LY75: variants seen among roughly 807,000 people sequenced by gnomAD.
The protein encoded by LY75 is lymphocyte antigen 75, also known as C-type lectin domain family 13 member B.
Under a neutral mutation model 231.7 loss-of-function variants are expected in LY75, and 185 were observed. The observed-to-expected ratio is 0.80, with a 90% CI of 0.71 to 0.90. The LOEUF (loss-of-function observed/expected upper bound fraction) is 0.90. LY75 is among the 40% of genes least tolerant of loss of function. The pLI, the probability that LY75 is intolerant of heterozygous loss-of-function variation, is 0.00. For missense variants in LY75, 1,947 were observed against 2,050.2 expected (o/e 0.95, Z 0.97); for synonymous variants, 668 against 689.0 (o/e 0.97, Z 0.48).
At chr2:159,878,208 A>G in intron 11 of LY75, 116 bp downstream of exon 11, 3 of 1,392,288 alleles carry the variant, frequency 2.2e-6, no homozygotes, top group Non-Finnish European at 2.9e-6. Flanking sequence ...ATAGACTCCA[A>G]TCCTGAAGAT....
At chr2:159,878,241 A>T in intron 11 of LY75, 83 bp downstream of exon 11, 1 of 1,518,126 alleles carries the variant, frequency 6.6e-7, no homozygotes, top group South Asian at 1.3e-5. Context: ...CACATTTCAA[A>T]AGTAAGTGAG....
intron 4 of LY75, among the ~76,000 whole-genome samples, chr2:159,888,460 G>A (rs1480760039): frequency 2.0e-5 from 3 of 152,168 alleles, no homozygotes; most frequent in African/African-American, 7.2e-5. Context: ...GCTGTATGCT[G>A]TTGGGTATAT....
intron 27 of LY75, among the ~76,000 whole-genome samples, chr2:159,832,451 C>T (rs1417369429): frequency 6.6e-6 from 1 of 152,186 alleles, no homozygotes; most frequent in Non-Finnish European, 1.5e-5. Context: ...CTGAAACCAT[C>T]CACCCCTCCC....
intron 23 of LY75, among the ~76,000 whole-genome samples, chr2:159,844,353 A>T (rs1325715146): frequency 6.6e-6 from 1 of 151,548 alleles, no homozygotes; most frequent in African/African-American, 2.4e-5. Flanking sequence ...ACTATATGGC[A>T]ATCTTAACAG....
chr2:159,817,161 GTA>G, intron 29 of LY75, 129 bp from the exon 30 acceptor site: 3 of 993,526 alleles, frequency 3.0e-6, no homozygotes, highest in Non-Finnish European at 4.2e-6. Context: ...GAGGTCAAAT[GTA>G]TATTTTATTT....
In LY75 at chr2:159,810,663, G is replaced by C. The variant is rs1199578415; in HGVS notation, c.4562C>G (p.Ser1521Cys). The stretch of plus-strand genomic sequence containing the variant: ...ACATCTTGATGAATATGTAAGACGG[G>C]ACAGCTTTTTAGCTATAAAAATGTT... ...CYKPTKSKKLSRLTYSSRCPA... is the reference protein window; with the variant it reads ...CYKPTKSKKLCRLTYSSRCPA... The change falls in exon 32 of 35, where the codon TCC (serine) becomes TGC (cysteine). Residue 1521 changes from serine to cysteine, a missense_variant. Coordinates refer to ENST00000263636, the MANE Select transcript of LY75 (RefSeq NM_002349.4). 1 of 1,610,380 alleles carries C rather than the reference G, an allele frequency of 6.2e-7. No homozygotes were observed. Among genetic ancestry groups the C allele is most frequent in the Admixed American group, 1.7e-5 (1 of 59,104 alleles).
chr2:159,852,149 A>G, intron 21 of LY75, 52 bp downstream of exon 21: 1 of 1,598,130 alleles, frequency 6.3e-7, no homozygotes, highest in South Asian at 1.1e-5. Context: ...ATAGGCTATA[A>G]AACCAGCATG....
At chr2:159,846,370 T>C (rs2125850774) in intron 23 of LY75, among the ~76,000 whole-genome samples, 1 of 151,760 alleles carries the variant, frequency 6.6e-6, no homozygotes, top group South Asian at 2.1e-4. Flanking sequence ...ACAAAAAAAT[T>C]AGAAAATGTA....
At chr2:159,867,271 T>G (rs932320672) in intron 13 of LY75, among the ~76,000 whole-genome samples, 1 of 151,864 alleles carries the variant, frequency 6.6e-6, no homozygotes, top group Non-Finnish European at 1.5e-5. Context: ...CATGTATGTA[T>G]TTTTTTTGTG....
rs765166420 is a variant in LY75, at chr2:159,850,445, A to C, written c.2906T>G (p.Val969Gly). Residue 969 changes from valine (V) to glycine (G), a missense_variant, in exon 22 of 35, where the codon GTG (valine) becomes GGG (glycine). Coordinates refer to ENST00000263636, the MANE Select transcript of LY75 (RefSeq NM_002349.4). ...GCTTGCTTGAGAAAATGTGAGAGAC[A>C]CGGGTTTGATCTTTAGAAAACACTG... Reference protein sequence around the residue: ...QNKCFLKIKPVSLTFSQASDT... With the variant: ...QNKCFLKIKPGSLTFSQASDT... 5.0e-6 allele frequency: 8 copies of C among 1,613,474 alleles called. No individual in the cohort carries two copies. The Admixed American group carries it at 1.3e-4, about 27-fold the overall frequency.
In LY75 at chr2:159,850,447, G is replaced by C; in HGVS notation, c.2904C>G (p.Pro968=). The C allele has an allele frequency of 6.2e-7, 1 of 1,613,424 alleles. No homozygotes were observed. Among genetic ancestry groups the C allele is most frequent in the Non-Finnish European group, 8.5e-7 (1 of 1,179,600 alleles). The change falls in exon 22 of 35, where the codon CCC becomes CCG. Residue 968 remains proline (P), a synonymous_variant. Transcript: ENST00000263636. ...FQNKCFLKIK[P]VSLTFSQASD... is the part of the protein sequence containing the mutation. The stretch of plus-strand genomic sequence containing the variant: ...TTGCTTGAGAAAATGTGAGAGACAC[G>C]GGTTTGATCTTTAGAAAACACTGCA...
intron 32 of LY75, among the ~76,000 whole-genome samples, chr2:159,809,147 G>A (rs1314744002): frequency 6.6e-6 from 1 of 152,180 alleles, no homozygotes; most frequent in African/African-American, 2.4e-5. Flanking sequence ...AATCAGTCAA[G>A]TGTCTCCACA....
intron 23 of LY75, among the ~76,000 whole-genome samples, chr2:159,844,789 CTTTTTTTTTTT>C (rs143897451): frequency 1.4e-5 from 2 of 141,532 alleles, no homozygotes; most frequent in African/African-American, 2.7e-5. Context: ...AGCTGTCATT[CTTTTTTTTTTT>C]TTTTTTAAAT....
rs1157805940 is a variant in LY75 at position 159,860,907 on chromosome 2, G to C, written c.2200-18C>G. The C allele has an allele frequency of 3.1e-6, 5 of 1,613,648 alleles. No individual in the cohort carries two copies. The highest frequency in any genetic ancestry group is 4.2e-6 in the Non-Finnish European group (5 of 1,179,706). ...GTAGACACCTGAAAAGACAAGAGAG[G>C]CTTGAGAATTTAAGACTGATGTATA... is the stretch of plus-strand genomic sequence containing the variant. On this transcript the variant is annotated intron_variant, in intron 14 of 34. Coordinates refer to ENST00000263636, the MANE Select transcript of LY75 (RefSeq NM_002349.4).
chr2:159,831,717 T>C lies in LY75; in HGVS notation c.3911A>G (p.Tyr1304Cys). ...ENNFVLEQLL[Y>C]FNYMASWVML... ...GACCCATGAAGCCATATAATTGAAG[T>C]ACAGCAGTTGCTCAAGAACAAAGTT... Residue 1304 changes from tyrosine (Y) to cysteine (C), a missense_variant, in exon 28 of 35, where the codon TAC (tyrosine) becomes TGC (cysteine). Transcript: ENST00000263636. The C allele has an allele frequency of 1.2e-6, 2 of 1,612,882 alleles. No homozygotes were observed. The highest frequency in any genetic ancestry group is 1.7e-6 in the Non-Finnish European group (2 of 1,179,542).
At chr2:159,900,878 G>A (rs779287031) in intron 1 of LY75, among the ~76,000 whole-genome samples, 2 of 151,912 alleles carry the variant, frequency 1.3e-5, no homozygotes, top group Non-Finnish European at 2.9e-5. Context: ...TTGCTCTGTT[G>A]CCCAGGCTGG....
At chr2:159,890,436 A>G (rs1402123778) in intron 3 of LY75, 59 bp from the exon 4 acceptor site, 2 of 1,599,740 alleles carry the variant, frequency 1.3e-6, no homozygotes, top group Non-Finnish European at 1.7e-6. Flanking sequence ...TCTATTACTT[A>G]GAATGCTTAG....
chr2:159,887,203 A>T (rs1560102045), intron 4 of LY75, among the ~76,000 whole-genome samples: 1 of 122,004 alleles, frequency 8.2e-6, no homozygotes, highest in Non-Finnish European at 1.7e-5. Context: ...ACAGAATGAG[A>T]GTGAGAGTCA....
chr2:159,893,067 A>G (rs1416609533), intron 3 of LY75, among the ~76,000 whole-genome samples: 1 of 152,232 alleles, frequency 6.6e-6, no homozygotes, highest in Non-Finnish European at 1.5e-5. Context: ...CTAGGACTCA[A>G]AAATCAAAAT....
Sources: gnomAD v4.1 joint callset for allele counts (sites outside exome capture counted in the v4.1 genomes callset) on GRCh38, gnomAD v4.1.1 for gene constraint, MANE v1.5 for transcripts, NCBI Gene and HGNC (gene_info 2026-07-23, HGNC 2026-07-21) for gene names.